Variants in CYB5R4 observed in about 807,000 individuals in gnomAD.
The protein encoded by CYB5R4 is N-terminal cytochrome b5 and cytochrome b5 oxidoreductase domain-containing protein.
A neutral mutation model predicts 70.2 loss-of-function variants in CYB5R4; 55 were observed. That is an observed-to-expected ratio of 0.78 (90% CI 0.63 to 0.98). The LOEUF is 0.98. CYB5R4 is among the 50% of genes least tolerant of loss of function. The probability of loss-of-function intolerance (pLI) is 0.00; values close to 1 mark genes in which losing one functional copy is unlikely to be tolerated. For synonymous variants in CYB5R4, 197 were observed against 199.5 expected (o/e 0.99, Z 0.11); for missense variants, 562 against 612.6 (o/e 0.92, Z 0.87).
At chr6:83,910,079 C>G in intron 4 of CYB5R4, 3 of 1,611,676 alleles carry the variant, frequency 1.9e-6, no homozygotes, top group Middle Eastern at 1.7e-4. Context: ...CAAACTCTGG[C>G]ACCTGTAGAG....
intron 2 of CYB5R4, among the ~76,000 whole-genome samples, chr6:83,881,499 T>C (rs1011461083): frequency 6.6e-6 from 1 of 152,208 alleles, no homozygotes; most frequent in Non-Finnish European, 1.5e-5. Flanking sequence ...TTGTATTGAA[T>C]TCGATAACTT....
intron 15 of CYB5R4, 141 bp downstream of exon 15, chr6:83,955,603 A>G (rs1033675312): frequency 1.2e-6 from 1 of 819,948 alleles, no homozygotes; most frequent in Non-Finnish European, 1.8e-6. Context: ...AAGTCTTTAA[A>G]TCTTCGTATA....
At chr6:83,873,683 C>G (rs1562827183) in intron 2 of CYB5R4, among the ~76,000 whole-genome samples, 1 of 152,160 alleles carries the variant, frequency 6.6e-6, no homozygotes, top group Non-Finnish European at 1.5e-5. Context: ...TCTCAAGGGT[C>G]TGCTATGCGT....
chr6:83,894,664 TAAA>T (rs1403266649), intron 3 of CYB5R4, among the ~76,000 whole-genome samples: 12 of 152,322 alleles, frequency 7.9e-5, no homozygotes, highest in African/African-American at 2.6e-4. Context: ...ACTTATAACA[TAAA>T]CAGTCAATTA....
At chr6:83,920,500 G>A (rs2099466197) in intron 7 of CYB5R4, among the ~76,000 whole-genome samples, 1 of 151,972 alleles carries the variant, frequency 6.6e-6, no homozygotes, top group Non-Finnish European at 1.5e-5. Flanking sequence ...GAGGATGGAT[G>A]GCTAAGGGAA....
intron 14 of CYB5R4, among the ~76,000 whole-genome samples, chr6:83,947,609 A>G (rs922929874): frequency 3.3e-5 from 5 of 152,178 alleles, no homozygotes; most frequent in Admixed American, 6.5e-5. Context: ...TGAACAGGCA[A>G]CCTACAGAAT....
chr6:83,927,231 G>GA (rs936928442), intron 10 of CYB5R4, among the ~76,000 whole-genome samples: 1 of 152,016 alleles, frequency 6.6e-6, no homozygotes, highest in African/African-American at 2.4e-5. Flanking sequence ...CATGAGATAG[G>GA]AAAAAACAAA....
chr6:83,881,654 T>C (rs2099459467), intron 2 of CYB5R4, among the ~76,000 whole-genome samples: 1 of 152,216 alleles, frequency 6.6e-6, no homozygotes, highest in Non-Finnish European at 1.5e-5. Context: ...CTAAGTATGT[T>C]ATTACTCATC....
intron 4 of CYB5R4, among the ~76,000 whole-genome samples, chr6:83,912,540 T>A (rs1255149008): frequency 6.6e-6 from 1 of 152,186 alleles, no homozygotes; most frequent in Non-Finnish European, 1.5e-5. Flanking sequence ...AGCACCAGCC[T>A]TCTAAATGAC....
chr6:83,904,717 A>G (rs763235427), intron 3 of CYB5R4, among the ~76,000 whole-genome samples: 2 of 152,198 alleles, frequency 1.3e-5, no homozygotes, highest in Non-Finnish European at 2.9e-5. Context: ...ATATCATTCA[A>G]TGAGTTCTTC....
At chr6:83,942,015 T>C (rs2099469847) in intron 14 of CYB5R4, among the ~76,000 whole-genome samples, 1 of 152,196 alleles carries the variant, frequency 6.6e-6, no homozygotes, top group Non-Finnish European at 1.5e-5. Context: ...TTGTGAGCTT[T>C]GGAGAAGATA....
intron 2 of CYB5R4, among the ~76,000 whole-genome samples, chr6:83,868,346 GT>G (rs1171264619): frequency 1.3e-5 from 2 of 152,086 alleles, no homozygotes; most frequent in African/African-American, 2.4e-5. Flanking sequence ...TTTGGGGACT[GT>G]TTTCTTTTTT....
chr6:83,946,986 T>G (rs2099470717), intron 14 of CYB5R4, among the ~76,000 whole-genome samples: 1 of 152,144 alleles, frequency 6.6e-6, no homozygotes, highest in Admixed American at 6.5e-5. Context: ...CTGCCCAAAG[T>G]AATTTATAGA....
At chr6:83,923,181 A>C (rs2099466689) in intron 9 of CYB5R4, among the ~76,000 whole-genome samples, 1 of 152,140 alleles carries the variant, frequency 6.6e-6, no homozygotes, top group Non-Finnish European at 1.5e-5. Context: ...TAATGTTGAG[A>C]GAGCATACTA....
At chr6:83,869,704 T>C (rs895260920) in intron 2 of CYB5R4, among the ~76,000 whole-genome samples, 1 of 151,840 alleles carries the variant, frequency 6.6e-6, no homozygotes, top group African/African-American at 2.4e-5. Context: ...GTGGCACATA[T>C]CCCAGCTACT....
chr6:83,865,133 A>C (rs1252169647), intron 2 of CYB5R4, among the ~76,000 whole-genome samples: 2 of 152,166 alleles, frequency 1.3e-5, no homozygotes, highest in Non-Finnish European at 2.9e-5. Context: ...AACCTATATG[A>C]GGGCAGGGAC....
chr6:83,901,705 G>GTTTT (rs34070915), intron 3 of CYB5R4, among the ~76,000 whole-genome samples: 394 of 143,986 alleles, frequency 2.7e-3, no homozygotes, highest in African/African-American at 7.3e-3. Flanking sequence ...ATTATTTCTT[G>GTTTT]TTTTTTTTTT....
At chr6:83,943,195 A>T (rs2099470035) in intron 14 of CYB5R4, among the ~76,000 whole-genome samples, 1 of 152,108 alleles carries the variant, frequency 6.6e-6, no homozygotes, top group Non-Finnish European at 1.5e-5. Context: ...GGGTCAACAG[A>T]CACCTCATAC....
chr6:83,910,808 T>TA (rs2099464560), intron 4 of CYB5R4, among the ~76,000 whole-genome samples: 1 of 152,192 alleles, frequency 6.6e-6, no homozygotes, highest in African/African-American at 2.4e-5. Flanking sequence ...CTTCTAAAAA[T>TA]ACAGCATATG....
Sources: allele counts gnomAD v4.1 joint callset (sites outside exome capture counted in the v4.1 genomes callset), GRCh38; gene constraint gnomAD v4.1.1; transcripts MANE v1.5; gene names NCBI Gene and HGNC (gene_info 2026-07-23, HGNC 2026-07-21).